NBEA: variants seen among roughly 807,000 people sequenced by gnomAD.
The protein encoded by NBEA is lysosomal-trafficking regulator 2.
In NBEA, 44 loss-of-function variants were observed where a neutral mutation model predicts 343.4. The ratio of observed to expected loss-of-function variants is 0.13; its 90% CI spans 0.10 to 0.16. The LOEUF (loss-of-function observed/expected upper bound fraction) is 0.16. Ranked by LOEUF, NBEA falls within the 10% of genes least tolerant of loss-of-function variation. The probability of loss-of-function intolerance (pLI) is 1.00; values close to 1 mark genes in which losing one functional copy is unlikely to be tolerated. For missense variants in NBEA, 2,555 were observed against 3,631.3 expected, an observed-to-expected ratio of 0.70 and a Z score of 7.62; for synonymous variants, 1,175 against 1,238.7, an observed-to-expected ratio of 0.95 and a Z score of 1.08.
chr13:35,645,646 G>A (rs1381939254), intron 49 of NBEA, among the ~76,000 whole-genome samples: 1 of 152,042 alleles, frequency 6.6e-6, no homozygotes, highest in Non-Finnish European at 1.5e-5. Flanking sequence ...TTGAGAAAAT[G>A]AATTTATACC....
At chr13:35,324,756 A>C (rs1263446210) in intron 36 of NBEA, among the ~76,000 whole-genome samples, 1 of 152,182 alleles carries the variant, frequency 6.6e-6, no homozygotes, top group African/African-American at 2.4e-5. Flanking sequence ...TTCAAGCTAA[A>C]TGATATAAAA....
chr13:35,484,266 GTGTGTGTGTATATA>G (rs1390121049), intron 41 of NBEA, among the ~76,000 whole-genome samples: 9 of 135,888 alleles, frequency 6.6e-5, no homozygotes, highest in African/African-American at 2.6e-4. Context: ...GTGTGTGTGT[GTGTGTGTGTATATA>G]TATATATATA....
In NBEA at chr13:35,550,578, A is replaced by G. The variant is rs1480325958; in HGVS notation, c.6687A>G (p.Val2229=). The G allele has an allele frequency of 3.1e-6, 5 of 1,609,404 alleles. No homozygotes were observed. In the African/African-American group the frequency reaches 6.7e-5, roughly 22 times the overall value. ...RYLLQNTALE[V]FMANRTSVMF... ...TTCTACAAAACACTGCTTTGGAAGTATTTATGGCAAACCGAAGTAAGTCCC... is the reference window on the plus strand; with the variant it reads ...TTCTACAAAACACTGCTTTGGAAGTGTTTATGGCAAACCGAAGTAAGTCCC... The change falls in exon 42 of 59, where the codon GTA becomes GTG. Residue 2229 remains valine (V), a synonymous_variant. Transcript: ENST00000379939.
intron 1 of NBEA, among the ~76,000 whole-genome samples, chr13:34,950,261 A>G (rs998590340): frequency 6.6e-6 from 1 of 152,172 alleles, no homozygotes; most frequent in Non-Finnish European, 1.5e-5. Flanking sequence ...GGGGTTGCTG[A>G]AAATGTTAGA....
In NBEA at chr13:35,155,902, A is replaced by C. The variant is rs779108116; in HGVS notation, c.2527+47A>C. The C allele has an allele frequency of 1.9e-6, 3 of 1,546,354 alleles. No individual in the cohort carries two copies. The African/African-American group carries it at 4.1e-5, about 21-fold the overall frequency. On this transcript the variant is annotated intron_variant, in intron 19 of 58. Transcript: ENST00000379939. ...ACTGTATTGTGGTAGGCGCATGGCA[A>C]CATATGAGACTAAATCAAAACTTTT... is the stretch of plus-strand genomic sequence containing the variant.
intron 30 of NBEA, among the ~76,000 whole-genome samples, chr13:35,194,782 G>T (rs962774222): frequency 1.1e-4 from 16 of 152,066 alleles, no homozygotes; most frequent in African/African-American, 3.6e-4. Context: ...GATGAAATTT[G>T]ATAGAAATTT....
chr13:35,196,338 C>T, intron 31 of NBEA, 36 bp downstream of exon 31: 1 of 1,520,594 alleles, frequency 6.6e-7, no homozygotes, highest in Non-Finnish European at 8.8e-7. Context: ...GGGCTTTATA[C>T]ATAAAAGGAA....
In NBEA at chr13:35,633,463, C is replaced by T. The variant is rs528710095; in HGVS notation, c.7617+5215C>T. 3.1e-3 allele frequency among the ~76,000 whole-genome samples: 468 copies of T among 151,072 alleles called. 3 individuals are homozygous for T. Among genetic ancestry groups the T allele is most frequent in the African/African-American group, 0.011 (452 of 41,304 alleles). ...CTGTAATCCCCACACTTTGGGAGAC[C>T]GAGGCGGGTGGATCACTAGGTCAGG... On this transcript the variant is annotated intron_variant, in intron 49 of 58. Transcript: ENST00000379939.
intron 38 of NBEA, among the ~76,000 whole-genome samples, chr13:35,356,547 A>G (rs960326326): frequency 2.3e-4 from 35 of 152,176 alleles, no homozygotes; most frequent in Admixed American, 3.3e-4. Flanking sequence ...GATTAATACA[A>G]TTGTGCATGT....
intron 1 of NBEA, among the ~76,000 whole-genome samples, chr13:34,984,581 A>G (rs2060481033): frequency 7.0e-6 from 1 of 143,416 alleles, no homozygotes; most frequent in Non-Finnish European, 1.6e-5. Context: ...TTCTGTGAAG[A>G]AAGTCACTGA....
intron 18 of NBEA, 120 bp downstream of exon 18, chr13:35,142,497 G>T: frequency 1.9e-6 from 1 of 535,084 alleles, no homozygotes; most frequent in Non-Finnish European, 3.2e-6. Context: ...CCAGAAAATG[G>T]TTTAATGGTA....
intron 34 of NBEA, among the ~76,000 whole-genome samples, chr13:35,268,894 C>T (rs1421623744): frequency 1.3e-5 from 2 of 152,006 alleles, no homozygotes; most frequent in Non-Finnish European, 2.9e-5. Flanking sequence ...TGATAGACTG[C>T]CAACCTGTTA....
At chr13:35,420,959 T>C (rs2044235530) in intron 38 of NBEA, among the ~76,000 whole-genome samples, 1 of 152,014 alleles carries the variant, frequency 6.6e-6, no homozygotes, top group Non-Finnish European at 1.5e-5. Flanking sequence ...TTGTTTTTGT[T>C]AATTTTTCTC....
intron 17 of NBEA, among the ~76,000 whole-genome samples, chr13:35,129,463 T>G (rs2067298407): frequency 6.6e-6 from 1 of 151,860 alleles, no homozygotes. Context: ...AAGTAACTTG[T>G]GAAAATGTAA....
chr13:35,494,222 G>A (rs1211350111), intron 41 of NBEA, among the ~76,000 whole-genome samples: 1 of 151,924 alleles, frequency 6.6e-6, no homozygotes, highest in Non-Finnish European at 1.5e-5. Context: ...ACCAATCATT[G>A]TTGAGGAATT....
chr13:35,492,992 GA>G (rs1453285309), intron 41 of NBEA, among the ~76,000 whole-genome samples: 1 of 151,944 alleles, frequency 6.6e-6, no homozygotes, highest in Admixed American at 6.6e-5. Context: ...TTACTAAGCG[GA>G]ATATGGACAC....
chr13:35,607,208 C>A (rs1292714095), intron 48 of NBEA, among the ~76,000 whole-genome samples: 1 of 152,074 alleles, frequency 6.6e-6, no homozygotes, highest in Non-Finnish European at 1.5e-5. Context: ...TGCCACCATG[C>A]CAAGTTAATT....
intron 55 of NBEA, among the ~76,000 whole-genome samples, chr13:35,659,356 A>G (rs988905198): frequency 2.6e-5 from 4 of 152,238 alleles, no homozygotes; most frequent in African/African-American, 9.6e-5. Flanking sequence ...TTACATGCAT[A>G]TCACTAAAAT....
At chr13:34,957,912 G>T (rs2059549594) in intron 1 of NBEA, among the ~76,000 whole-genome samples, 1 of 152,028 alleles carries the variant, frequency 6.6e-6, no homozygotes, top group African/African-American at 2.4e-5. Context: ...CTTTTTGTTT[G>T]TGTACAGCTA....
Sources: allele counts gnomAD v4.1 joint callset (sites outside exome capture counted in the v4.1 genomes callset), GRCh38; gene constraint gnomAD v4.1.1; transcripts MANE v1.5; gene names NCBI Gene and HGNC (gene_info 2026-07-23, HGNC 2026-07-21).